GALNTL6: variants seen among roughly 807,000 people sequenced by gnomAD.
GALNTL6 encodes polypeptide N-acetylgalactosaminyltransferase like 6, also known as polypeptide N-acetylgalactosaminyltransferase-like 6.
Under a neutral mutation model 73.7 loss-of-function variants are expected in GALNTL6, and 46 were observed. The ratio of observed to expected loss-of-function variants is 0.62; its 90% CI spans 0.49 to 0.80. The LOEUF is 0.80. Ranked by LOEUF, GALNTL6 falls within the 30% of genes least tolerant of loss-of-function variation. The probability of loss-of-function intolerance (pLI) is 0.00; values close to 1 mark genes in which losing one functional copy is unlikely to be tolerated. For synonymous variants in GALNTL6, 259 were observed against 263.7 expected (o/e 0.98, Z 0.17); for missense variants, 604 against 755.0 (o/e 0.80, Z 2.34).
At chr4:172,519,694 T>G (rs991393194) in intron 5 of GALNTL6, among the ~76,000 whole-genome samples, 2 of 151,782 alleles carry the variant, frequency 1.3e-5, no homozygotes, top group African/African-American at 2.4e-5. Context: ...CGAAATAGAT[T>G]GAACTGAGTT....
intron 5 of GALNTL6, among the ~76,000 whole-genome samples, chr4:172,625,824 T>C (rs1739146494): frequency 6.6e-6 from 1 of 152,174 alleles, no homozygotes; most frequent in Non-Finnish European, 1.5e-5. Flanking sequence ...TATGTCTTCT[T>C]TTGAGAAGTA....
intron 2 of GALNTL6, among the ~76,000 whole-genome samples, chr4:171,999,954 A>G (rs928229993): frequency 3.9e-5 from 6 of 152,176 alleles, no homozygotes; most frequent in Non-Finnish European, 8.8e-5. Context: ...TGTAGGCAAT[A>G]TGACAATTTG....
intron 5 of GALNTL6, among the ~76,000 whole-genome samples, chr4:172,532,515 T>G (rs923349095): frequency 6.6e-6 from 1 of 152,218 alleles, no homozygotes; most frequent in African/African-American, 2.4e-5. Context: ...TTTTAGTAAT[T>G]TGTTACTGCA....
chr4:171,891,569 C>CA (rs1234034520), intron 2 of GALNTL6, among the ~76,000 whole-genome samples: 1 of 152,120 alleles, frequency 6.6e-6, no homozygotes. Context: ...TCTGTAGTGT[C>CA]ATACTGGAGC....
At chr4:172,338,234 A>G (rs1741413125) in intron 4 of GALNTL6, among the ~76,000 whole-genome samples, 1 of 152,018 alleles carries the variant, frequency 6.6e-6, no homozygotes, top group African/African-American at 2.4e-5. Context: ...CTTCCTTGCA[A>G]TCCAATTCTT....
intron 2 of GALNTL6, among the ~76,000 whole-genome samples, chr4:171,962,870 C>T (rs576716266): frequency 6.8e-4 from 100 of 147,870 alleles, no homozygotes; most frequent in Non-Finnish European, 1.1e-3. Context: ...CGGGTTCAAG[C>T]GACTGTCCTG....
chr4:172,178,179 A>G (rs1245502945), intron 2 of GALNTL6, among the ~76,000 whole-genome samples: 2 of 151,860 alleles, frequency 1.3e-5, no homozygotes, highest in East Asian at 3.9e-4. Flanking sequence ...AGCAGGACCT[A>G]ACTTATAAAA....
At chr4:172,665,454 T>G (rs1202489369) in intron 5 of GALNTL6, among the ~76,000 whole-genome samples, 2 of 152,344 alleles carry the variant, frequency 1.3e-5, no homozygotes, top group Middle Eastern at 3.4e-3. Flanking sequence ...AGTGGTTTAC[T>G]TAAAGGTAGC....
chr4:172,958,746 C>A (rs1749884058), intron 10 of GALNTL6, among the ~76,000 whole-genome samples: 3 of 152,168 alleles, frequency 2.0e-5, no homozygotes, highest in Admixed American at 6.5e-5. Context: ...TGAGGCAGTA[C>A]AGCCCAGGTA....
At chr4:172,763,639 T>C (rs1738242380) in intron 5 of GALNTL6, among the ~76,000 whole-genome samples, 1 of 152,236 alleles carries the variant, frequency 6.6e-6, no homozygotes, top group African/African-American at 2.4e-5. Flanking sequence ...ATCGTATCTA[T>C]GGAGCTTGTT....
chr4:172,874,695 C>T (rs1056478462), intron 7 of GALNTL6, among the ~76,000 whole-genome samples: 1 of 152,216 alleles, frequency 6.6e-6, no homozygotes, highest in Admixed American at 6.5e-5. Flanking sequence ...ATTTGGGAAA[C>T]TGGGAGAGGA....
intron 3 of GALNTL6, among the ~76,000 whole-genome samples, chr4:172,250,714 A>G (rs1374425389): frequency 3.9e-5 from 6 of 152,180 alleles, no homozygotes; most frequent in Non-Finnish European, 7.3e-5. Flanking sequence ...TTATGAGTCA[A>G]TTAAACTTCC....
chr4:171,828,832 T>C (rs1734892567), intron 2 of GALNTL6, among the ~76,000 whole-genome samples: 1 of 152,076 alleles, frequency 6.6e-6, no homozygotes, highest in African/African-American at 2.4e-5. Flanking sequence ...TATGGTCTAG[T>C]TGTTCGAGAT....
intron 2 of GALNTL6, among the ~76,000 whole-genome samples, chr4:171,995,476 G>A (rs940877289): frequency 1.3e-5 from 2 of 151,840 alleles, no homozygotes; most frequent in African/African-American, 2.4e-5. Flanking sequence ...AAAAATTAAC[G>A]TATCTCCATA....
At chr4:172,613,611 G>C (rs1355996673) in intron 5 of GALNTL6, among the ~76,000 whole-genome samples, 1 of 152,068 alleles carries the variant, frequency 6.6e-6, no homozygotes, top group Admixed American at 6.6e-5. Flanking sequence ...AAAAACCTAT[G>C]ATTAATATTT....
At chr4:171,862,918 C>T (rs749288368) in intron 2 of GALNTL6, among the ~76,000 whole-genome samples, 3 of 152,064 alleles carry the variant, frequency 2.0e-5, no homozygotes, top group Non-Finnish European at 2.9e-5. Flanking sequence ...TAAGTGAATA[C>T]TTCAAAGTGA....
At chr4:173,036,503 G>A (rs551201567) in intron 12 of GALNTL6, among the ~76,000 whole-genome samples, 3 of 152,278 alleles carry the variant, frequency 2.0e-5, no homozygotes, top group Non-Finnish European at 4.4e-5. Context: ...TGGACCGATC[G>A]ACTGGCATTG....
At chr4:172,141,807 C>T (rs1206806377) in intron 2 of GALNTL6, among the ~76,000 whole-genome samples, 1 of 151,752 alleles carries the variant, frequency 6.6e-6, no homozygotes, top group African/African-American at 2.4e-5. Context: ...GAAGTACTAA[C>T]TTGCTATTTA....
At chr4:172,029,836 T>A (rs1435083515) in intron 2 of GALNTL6, among the ~76,000 whole-genome samples, 2 of 152,078 alleles carry the variant, frequency 1.3e-5, no homozygotes, top group Non-Finnish European at 2.9e-5. Context: ...TGTTTTATGA[T>A]TTTTATAGAA....
Sources: allele counts gnomAD v4.1 joint callset (sites outside exome capture counted in the v4.1 genomes callset), GRCh38; gene constraint gnomAD v4.1.1; transcripts MANE v1.5; gene names NCBI Gene and HGNC (gene_info 2026-07-23, HGNC 2026-07-21).